WIPF3: variants seen among roughly 807,000 people sequenced by gnomAD.
The protein encoded by WIPF3 is WAS/WASL-interacting protein family member 3.
WIPF3 carries 33 observed loss-of-function variants against 38.9 expected under a neutral mutation model. The observed-to-expected ratio is 0.85, with a 90% CI of 0.64 to 1.14. WIPF3 has a LOEUF of 1.14. WIPF3 is among the 50% of genes most tolerant of loss of function. The pLI, the probability that WIPF3 is intolerant of heterozygous loss-of-function variation, is 0.00. For missense variants in WIPF3, 711 were observed against 652.5 expected, an observed-to-expected ratio of 1.09 and a Z score of -0.98; for synonymous variants, 324 against 269.3, an observed-to-expected ratio of 1.20 and a Z score of -1.99.
chr7:29,884,538 G>A lies in WIPF3; in HGVS notation c.1044G>A (p.Pro348=), dbSNP rs768642510. ...CCGGTGCGCAGGCCTTGCCCGCCCC[G>A]CCTGCCCCTCCGGGCTCCCAGCCGT... The part of the protein sequence containing the change: ...QKAGAQALPA[P]PAPPGSQPFL... Residue 348 remains proline, a synonymous_variant, in exon 5 of 9, where the codon CCG becomes CCA. Coordinates refer to ENST00000242140, the MANE Select transcript of WIPF3 (RefSeq NM_001080529.3). 6.3e-7 allele frequency: 1 copy of A among 1,596,622 alleles called. No homozygotes were observed. Among genetic ancestry groups the A allele is most frequent in the Non-Finnish European group, 8.5e-7 (1 of 1,173,520 alleles).
chr7:29,904,389 G>A (rs1229100025), intron 8 of WIPF3, 27 bp downstream of exon 8: 1 of 1,607,568 alleles, frequency 6.2e-7, no homozygotes. Context: ...GTCTCTGAAT[G>A]TAAAACCAGG....
At chr7:29,887,612 G>A (rs174974) in intron 5 of WIPF3, among the ~76,000 whole-genome samples, 105,841 of 152,010 alleles carry the variant, frequency 0.7, 37,298 homozygotes, top group South Asian at 0.85. Context: ...CAAGCCCCTG[G>A]CCGCTCCCTC....
At chr7:29,898,831 A>G (rs1786213514) in intron 7 of WIPF3, among the ~76,000 whole-genome samples, 1 of 152,118 alleles carries the variant, frequency 6.6e-6, no homozygotes, top group South Asian at 2.1e-4. Flanking sequence ...TACAAAATTT[A>G]GGTTTTATTT....
intron 1 of WIPF3, among the ~76,000 whole-genome samples, chr7:29,815,330 C>T (rs1784439577): frequency 6.6e-6 from 1 of 152,184 alleles, no homozygotes; most frequent in Admixed American, 6.5e-5. Flanking sequence ...TTGCTCGACT[C>T]TTTGTTGCTG....
chr7:29,862,079 TGGGAG>T (rs1785292199), intron 2 of WIPF3, among the ~76,000 whole-genome samples: 1 of 152,154 alleles, frequency 6.6e-6, no homozygotes, highest in Non-Finnish European at 1.5e-5. Flanking sequence ...GTTGCTGACA[TGGGAG>T]GGGAGGTCAT....
chr7:29,862,871 C>T (rs1031597192), intron 2 of WIPF3, among the ~76,000 whole-genome samples: 1 of 151,950 alleles, frequency 6.6e-6, no homozygotes, highest in African/African-American at 2.4e-5. Context: ...TTTTTACTTC[C>T]TTTTGTGGTT....
chr7:29,811,217 G>A (rs2128060973), intron 1 of WIPF3, among the ~76,000 whole-genome samples: 1 of 151,940 alleles, frequency 6.6e-6, no homozygotes, highest in East Asian at 1.9e-4. Flanking sequence ...ACTTAGGACA[G>A]TGCCTCATTC....
At chr7:29,827,686 C>G (rs985975049) in intron 1 of WIPF3, among the ~76,000 whole-genome samples, 2 of 152,038 alleles carry the variant, frequency 1.3e-5, no homozygotes, top group Non-Finnish European at 2.9e-5. Flanking sequence ...ATTTTATAGC[C>G]AAAGAAACAA....
At chr7:29,912,005 G>C (rs1786513631) in intron 8 of WIPF3, among the ~76,000 whole-genome samples, 1 of 152,296 alleles carries the variant, frequency 6.6e-6, no homozygotes, top group East Asian at 1.9e-4. Context: ...CACAGAATGG[G>C]AGGAGGTATT....
At chr7:29,814,122 T>C (rs1784422279) in intron 1 of WIPF3, among the ~76,000 whole-genome samples, 1 of 152,172 alleles carries the variant, frequency 6.6e-6, no homozygotes, top group Non-Finnish European at 1.5e-5. Context: ...GGTTTTGCCA[T>C]GTTGGCCAGG....
chr7:29,902,266 TTCTTCTTC>T (rs1159607507), intron 7 of WIPF3, among the ~76,000 whole-genome samples: 28 of 43,782 alleles, frequency 6.4e-4, no homozygotes, highest in African/African-American at 8.8e-4. Context: ...TTTCTTCTTC[TTCTTCTTC>T]TTTTTTTTTT....
chr7:29,807,868 C>T (rs774286532), intron 1 of WIPF3, among the ~76,000 whole-genome samples: 1 of 152,210 alleles, frequency 6.6e-6, no homozygotes, highest in Non-Finnish European at 1.5e-5. Context: ...TCCTCCTTTC[C>T]AGAATCTTTT....
At chr7:29,809,705 G>A (rs776985066) in intron 1 of WIPF3, among the ~76,000 whole-genome samples, 3 of 152,230 alleles carry the variant, frequency 2.0e-5, no homozygotes, top group Non-Finnish European at 4.4e-5. Flanking sequence ...CCTTAGACCT[G>A]TTCAAGAGGG....
At chr7:29,909,884 A>G (rs1786471600) in intron 8 of WIPF3, among the ~76,000 whole-genome samples, 1 of 133,110 alleles carries the variant, frequency 7.5e-6, no homozygotes, top group African/African-American at 2.6e-5. Flanking sequence ...TGACAGAGTG[A>G]AACCCTGTCT....
intron 1 of WIPF3, among the ~76,000 whole-genome samples, chr7:29,820,176 G>A (rs548841945): frequency 6.6e-6 from 1 of 151,992 alleles, no homozygotes; most frequent in African/African-American, 2.4e-5. Flanking sequence ...TTTTGTTACT[G>A]CTATTTGGAA....
chr7:29,848,494 G>T (rs1165188239), intron 2 of WIPF3, among the ~76,000 whole-genome samples: 3 of 152,160 alleles, frequency 2.0e-5, no homozygotes, highest in Non-Finnish European at 4.4e-5. Flanking sequence ...AAAGAAAGAA[G>T]TTCTTTAGGC....
chr7:29,821,227 T>C (rs1784532014), intron 1 of WIPF3, among the ~76,000 whole-genome samples: 1 of 152,256 alleles, frequency 6.6e-6, no homozygotes, highest in African/African-American at 2.4e-5. Flanking sequence ...ATGGCATGGC[T>C]AATATGTCTC....
chr7:29,903,476 A>G lies in WIPF3; in HGVS notation c.1352-810A>G, dbSNP rs1306835009. On this transcript the variant is annotated intron_variant, in intron 7 of 8. Transcript: ENST00000242140. ...CTGTTGCTTTTTAAATAGCACAGCA[A>G]TCTGGATTGTTCTGGAGACTTTGGG... is the stretch of plus-strand genomic sequence containing the variant. Among the ~76,000 whole-genome samples, 5 of 152,166 alleles carry G rather than the reference A, an allele frequency of 3.3e-5. 1 individual carries two copies. The highest frequency in any genetic ancestry group is 1.2e-4 in the African/African-American group (5 of 41,428).
At chr7:29,866,536 CTG>C (rs1176849328) in intron 2 of WIPF3, among the ~76,000 whole-genome samples, 1 of 152,248 alleles carries the variant, frequency 6.6e-6, no homozygotes, top group African/African-American at 2.4e-5. Flanking sequence ...TAGGGTTACT[CTG>C]TGCACTTTCC....
Sources: allele counts gnomAD v4.1 joint callset (sites outside exome capture counted in the v4.1 genomes callset), GRCh38; gene constraint gnomAD v4.1.1; transcripts MANE v1.5; gene names NCBI Gene and HGNC (gene_info 2026-07-23, HGNC 2026-07-21).